Variants in BMP7 observed in about 807,000 individuals in gnomAD.
The protein encoded by BMP7 is bone morphogenetic protein 7.
In BMP7, 12 loss-of-function variants were observed where a neutral mutation model predicts 41.2. That is an observed-to-expected ratio of 0.29 (90% CI 0.19 to 0.47). BMP7 has a LOEUF of 0.47. BMP7 is among the 20% of genes least tolerant of loss of function. The probability of loss-of-function intolerance (pLI) is 0.99; values close to 1 mark genes in which losing one functional copy is unlikely to be tolerated. For synonymous variants in BMP7, 248 were observed against 250.0 expected, an observed-to-expected ratio of 0.99 and a Z score of 0.07; for missense variants, 467 against 606.0, an observed-to-expected ratio of 0.77 and a Z score of 2.41.
chr20:57,244,888 A>G (rs2066083712), intron 1 of BMP7, among the ~76,000 whole-genome samples: 1 of 152,200 alleles, frequency 6.6e-6, no homozygotes, highest in South Asian at 2.1e-4. Context: ...GGTTTAAGGT[A>G]TTTTAGAGGC....
At chr20:57,178,331 C>T (rs929522077) in intron 4 of BMP7, among the ~76,000 whole-genome samples, 3 of 152,044 alleles carry the variant, frequency 2.0e-5, no homozygotes, top group Non-Finnish European at 4.4e-5. Context: ...ACAGTGTGGG[C>T]GGAGGGAAGA....
At chr20:57,193,459 T>C (rs779561774) in intron 3 of BMP7, among the ~76,000 whole-genome samples, 1 of 152,148 alleles carries the variant, frequency 6.6e-6, no homozygotes, top group Non-Finnish European at 1.5e-5. Context: ...CTCCGCTTTG[T>C]AGTCACATGG....
intron 1 of BMP7, among the ~76,000 whole-genome samples, chr20:57,240,227 C>T (rs1417513584): frequency 2.6e-5 from 4 of 152,178 alleles, no homozygotes; most frequent in African/African-American, 9.7e-5. Flanking sequence ...CACCAGATAC[C>T]CTAAATCAGC....
chr20:57,186,305 A>T (rs965593592), intron 3 of BMP7, among the ~76,000 whole-genome samples: 22 of 152,174 alleles, frequency 1.4e-4, no homozygotes, highest in African/African-American at 5.1e-4. Context: ...GGACACCAAC[A>T]GGGTATGGGG....
chr20:57,263,400 G>A (rs919605555), intron 1 of BMP7, among the ~76,000 whole-genome samples: 1 of 152,180 alleles, frequency 6.6e-6, no homozygotes, highest in African/African-American at 2.4e-5. Context: ...TGCTCCTGCC[G>A]CCATGGGGGG....
intron 1 of BMP7, among the ~76,000 whole-genome samples, chr20:57,230,774 C>T (rs1020559778): frequency 6.6e-6 from 1 of 151,448 alleles, no homozygotes; most frequent in Non-Finnish European, 1.5e-5. Flanking sequence ...CCTCCCAGGC[C>T]CACACCATTC....
At position 57,228,105 on chromosome 20, in the gene BMP7, T is replaced by A; in HGVS notation, c.611+124A>T. The stretch of plus-strand genomic sequence containing the variant: ...CACCATACACCTTCTTTAGAAGGGA[T>A]AATCTGGTACAGGGCCTGGCACGTG... On this transcript the variant is annotated intron_variant, in intron 2 of 6. Coordinates refer to ENST00000395863, the MANE Select transcript of BMP7 (RefSeq NM_001719.3). The surrounding 1 kb of genome is among the most constrained non-coding windows in gnomAD (Gnocchi z 4.5). The A allele has an allele frequency of 9.2e-7, 1 of 1,082,902 alleles. No homozygotes were observed. Among genetic ancestry groups the A allele is most frequent in the Middle Eastern group, 2.9e-4 (1 of 3,438 alleles). The allele number at this position is 1,082,902 out of a possible 1,614,324, so 67.1% of individuals were successfully genotyped here. A position where few individuals can be genotyped will look rare whatever the true frequency, so the allele number is the denominator to read the frequency against.
chr20:57,188,261 T>G (rs1302253227), intron 3 of BMP7, among the ~76,000 whole-genome samples: 1 of 152,198 alleles, frequency 6.6e-6, no homozygotes, highest in African/African-American at 2.4e-5. Flanking sequence ...TGGAATATTG[T>G]TTGCCATAAA....
intron 2 of BMP7, among the ~76,000 whole-genome samples, chr20:57,210,628 G>A (rs574065836): frequency 1.3e-5 from 2 of 152,346 alleles, no homozygotes; most frequent in Admixed American, 6.5e-5. Context: ...GGAGTTGGGA[G>A]TCTGAGGATC....
intron 1 of BMP7, among the ~76,000 whole-genome samples, chr20:57,233,046 G>A (rs2066035021): frequency 6.6e-6 from 1 of 152,128 alleles, no homozygotes; most frequent in South Asian, 2.1e-4. Context: ...ACCACTACAA[G>A]AGGTAGAAGC....
chr20:57,188,036 T>A (rs1302841511), intron 3 of BMP7, among the ~76,000 whole-genome samples: 1 of 152,182 alleles, frequency 6.6e-6, no homozygotes, highest in Non-Finnish European at 1.5e-5. Context: ...GAAAATACAC[T>A]GGCAATTCCT....
In BMP7 at chr20:57,248,185, A is replaced by G. The variant is rs189212312; in HGVS notation, c.418+17520T>C. 1.8e-4 allele frequency among the ~76,000 whole-genome samples: 27 copies of G among 152,360 alleles called. No individual in the cohort carries two copies. In the East Asian group the frequency reaches 4.8e-3, roughly 27 times the overall value. On this transcript the variant is annotated intron_variant, in intron 1 of 6. Transcript: ENST00000395863. Reference sequence around the variant, plus strand: ...AGGGCCTCTATTTATATGTGCATACAGTGGAACCACATCACATGTACAAAT... The same window carrying G: ...AGGGCCTCTATTTATATGTGCATACGGTGGAACCACATCACATGTACAAAT...
At chr20:57,177,465 A>C (rs1235464312) in intron 4 of BMP7, among the ~76,000 whole-genome samples, 1 of 151,648 alleles carries the variant, frequency 6.6e-6, no homozygotes. Context: ...CTCCTGCCTC[A>C]GCCTCCTGAG....
At position 57,169,453 on chromosome 20, in the gene BMP7, G is replaced by T. The variant is rs1281923849; in HGVS notation, c.*1506C>A. 6.6e-6 allele frequency: 1 copy of T among 152,294 alleles called. No individual in the cohort carries two copies. The highest frequency in any genetic ancestry group is 1.5e-5 in the Non-Finnish European group (1 of 68,088). 9.4% of individuals were successfully genotyped at this position (152,294 alleles called of 1,614,324 possible). A position where few individuals can be genotyped will look rare whatever the true frequency, so the allele number is the denominator to read the frequency against. Reference sequence around the variant, plus strand: ...TTACACCAAGAGCCACGTCAGAAATGCCACCTCCAAATCGGGACACTTGGT... The same window carrying T: ...TTACACCAAGAGCCACGTCAGAAATTCCACCTCCAAATCGGGACACTTGGT... On this transcript the variant is annotated 3_prime_UTR_variant, in exon 7 of 7. Coordinates refer to ENST00000395863, the MANE Select transcript of BMP7 (RefSeq NM_001719.3).
At chr20:57,200,515 C>T (rs567029352) in intron 3 of BMP7, among the ~76,000 whole-genome samples, 13 of 152,190 alleles carry the variant, frequency 8.5e-5, no homozygotes, top group Admixed American at 2.0e-4. Context: ...ACAGGGCTGG[C>T]GTCAATTAAG....
chr20:57,198,229 T>C (rs1039933073), intron 3 of BMP7, among the ~76,000 whole-genome samples: 1 of 142,420 alleles, frequency 7.0e-6, no homozygotes, highest in Non-Finnish European at 1.5e-5. Context: ...TCTCCCCTCC[T>C]CTCCTCTCGC....
chr20:57,225,169 T>C (rs953084871), intron 2 of BMP7, among the ~76,000 whole-genome samples: 3 of 152,002 alleles, frequency 2.0e-5, no homozygotes, highest in African/African-American at 4.8e-5. Context: ...CGGGCCCAGG[T>C]TGGGGACATG....
At chr20:57,250,751 A>T (rs563413795) in intron 1 of BMP7, among the ~76,000 whole-genome samples, 108 of 152,236 alleles carry the variant, frequency 7.1e-4, no homozygotes, top group African/African-American at 2.4e-3. Flanking sequence ...CTGTGCCCCC[A>T]GCCGGCAAGG....
At chr20:57,199,717 G>A (rs1041649093) in intron 3 of BMP7, among the ~76,000 whole-genome samples, 5 of 152,178 alleles carry the variant, frequency 3.3e-5, no homozygotes. Context: ...TCACCCCCAA[G>A]AGGTCCAAAA....
Sources: gnomAD v4.1 joint callset for allele counts (sites outside exome capture counted in the v4.1 genomes callset) on GRCh38, gnomAD v4.1.1 for gene constraint, Gnocchi (gnomAD v3.1) non-coding constraint, MANE v1.5 for transcripts, NCBI Gene and HGNC (gene_info 2026-07-23, HGNC 2026-07-21) for gene names.